RAD51B: variants seen among roughly 807,000 people sequenced by gnomAD.
RAD51B encodes RAD51 paralog B, also known as DNA repair protein RAD51 homolog 2.
Under a neutral mutation model 42.2 loss-of-function variants are expected in RAD51B, and 38 were observed. The ratio of observed to expected loss-of-function variants is 0.90; its 90% CI spans 0.70 to 1.18. The LOEUF (loss-of-function observed/expected upper bound fraction) is 1.18, where lower values mean the gene tolerates loss of function less well. Ranked by LOEUF, RAD51B falls within the 50% of genes most tolerant of loss-of-function variation. RAD51B has a pLI of 0.00. For missense variants in RAD51B, 373 were observed against 400.7 expected (o/e 0.93, Z 0.59); for synonymous variants, 154 against 145.2 (o/e 1.06, Z -0.43).
intron 7 of RAD51B, among the ~76,000 whole-genome samples, chr14:68,164,427 T>A (rs546079540): frequency 6.6e-6 from 1 of 152,272 alleles, no homozygotes; most frequent in East Asian, 1.9e-4. Flanking sequence ...CTATACTTAT[T>A]TTATACTACA....
Position 68,015,052 on chromosome 14 carries a change from C to A in RAD51B, c.756+127848C>A, listed in dbSNP as rs138649819. Among the ~76,000 whole-genome samples, 20 of 152,198 alleles carry A rather than the reference C, an allele frequency of 1.3e-4. No homozygotes were observed. In the East Asian group the frequency reaches 3.9e-3, roughly 29 times the overall value. On this transcript the variant is annotated intron_variant, in intron 7 of 10. Transcript: ENST00000471583. ...AAACCCAGCCCTCCTGCCATCTGTG[C>A]AATCTTGGTCCAGTTACTTAAAACA...
At chr14:68,381,526 A>G (rs1014282562) in intron 8 of RAD51B, among the ~76,000 whole-genome samples, 20 of 152,172 alleles carry the variant, frequency 1.3e-4, no homozygotes, top group African/African-American at 4.6e-4. Context: ...ATACAAAAAA[A>G]TTAACCAGGC....
At chr14:67,963,375 G>A (rs1232494668) in intron 7 of RAD51B, among the ~76,000 whole-genome samples, 7 of 151,994 alleles carry the variant, frequency 4.6e-5, no homozygotes, top group Non-Finnish European at 1.0e-4. Flanking sequence ...TTTCTCAATG[G>A]TGAGATTTTG....
At chr14:68,389,384 G>A (rs1348921397) in intron 8 of RAD51B, among the ~76,000 whole-genome samples, 2 of 151,682 alleles carry the variant, frequency 1.3e-5, no homozygotes, top group Admixed American at 1.3e-4. Flanking sequence ...GAGTCATATA[G>A]CAGGTTCTCT....
intron 10 of RAD51B, among the ~76,000 whole-genome samples, chr14:68,504,806 T>C (rs1885191766): frequency 1.3e-5 from 2 of 151,888 alleles, no homozygotes; most frequent in South Asian, 2.1e-4. Context: ...ATTTCTTCAC[T>C]AGACACTGGA....
At chr14:68,315,941 C>G (rs943029561) in intron 8 of RAD51B, among the ~76,000 whole-genome samples, 1 of 152,202 alleles carries the variant, frequency 6.6e-6, no homozygotes, top group African/African-American at 2.4e-5. Flanking sequence ...TGAATGAGAA[C>G]AACAGCATTG....
intron 7 of RAD51B, among the ~76,000 whole-genome samples, chr14:67,940,092 G>T (rs1294846581): frequency 1.3e-4 from 4 of 29,730 alleles, no homozygotes; most frequent in African/African-American, 2.2e-4. Context: ...TTTTTTTTTT[G>T]AGATGGAATC....
downstream of RAD51B, among the ~76,000 whole-genome samples, chr14:68,615,131 A>G (rs1891799017): frequency 6.6e-6 from 1 of 152,200 alleles, no homozygotes; most frequent in Non-Finnish European, 1.5e-5. Flanking sequence ...TTGGCCTCCC[A>G]AAGTGCTGGG....
At chr14:68,532,869 C>A (rs1887399402) in intron 10 of RAD51B, among the ~76,000 whole-genome samples, 1 of 152,228 alleles carries the variant, frequency 6.6e-6, no homozygotes, top group Non-Finnish European at 1.5e-5. Context: ...AAATTATTTT[C>A]TAGAATTCAA....
In RAD51B at chr14:68,176,070, C is replaced by A. The variant is rs1181781893; in HGVS notation, c.757-115814C>A. 4.6e-5 allele frequency among the ~76,000 whole-genome samples: 7 copies of A among 152,308 alleles called. No homozygotes were observed. The East Asian group carries it at 7.7e-4, about 17-fold the overall frequency. On this transcript the variant is annotated intron_variant, in intron 7 of 10. Transcript: ENST00000471583. ...TGCTATAATAGGCAGGATCCTCCTG[C>A]TGAGCCTGGACTCCATTTGGATGCT...
chr14:68,290,688 A>G (rs942616566), intron 7 of RAD51B, among the ~76,000 whole-genome samples: 6 of 152,184 alleles, frequency 3.9e-5, no homozygotes, highest in African/African-American at 1.4e-4. Context: ...ATTTCTTTAG[A>G]GTCAAACTCA....
chr14:68,672,987 C>A (rs186344110), intron 11 of RAD51B, among the ~76,000 whole-genome samples: 1 of 152,284 alleles, frequency 6.6e-6, no homozygotes, highest in East Asian at 1.9e-4. Flanking sequence ...GGGTTTTTTG[C>A]TGTTTGTAAA....
chr14:68,311,072 T>TGTG (rs2081959080), intron 8 of RAD51B, among the ~76,000 whole-genome samples: 2 of 151,982 alleles, frequency 1.3e-5, no homozygotes, highest in East Asian at 3.9e-4. Flanking sequence ...CAGTCCAACA[T>TGTG]GTAATCTAGT....
At chr14:67,834,494 C>T (rs2041163599) in intron 3 of RAD51B, among the ~76,000 whole-genome samples, 2 of 152,050 alleles carry the variant, frequency 1.3e-5, no homozygotes, top group African/African-American at 4.8e-5. Flanking sequence ...CTCCTTTTTG[C>T]ATCTTCAACA....
rs762952268 is a variant in RAD51B, at chr14:68,104,742, C to T, written c.757-187142C>T. Among the ~76,000 whole-genome samples the T allele has an allele frequency of 3.3e-5, 5 of 152,076 alleles. No homozygotes were observed. The East Asian group carries it at 5.8e-4, about 18-fold the overall frequency. Reference sequence around the variant, plus strand: ...TTGTAAGTGGATTACAAGAAATCCACGATAGACTTCATTCACTTTTGATGA... The same window carrying T: ...TTGTAAGTGGATTACAAGAAATCCATGATAGACTTCATTCACTTTTGATGA... On this transcript the variant is annotated intron_variant, in intron 7 of 10. Transcript: ENST00000471583.
At chr14:68,487,731 A>C (rs1883742639) in intron 10 of RAD51B, among the ~76,000 whole-genome samples, 2 of 151,150 alleles carry the variant, frequency 1.3e-5, no homozygotes, top group South Asian at 4.2e-4. Context: ...CTGGTCTTGA[A>C]CTCCTGACCA....
rs530120305 is a variant in RAD51B at position 68,495,060 on chromosome 14, G to A, written c.1036+26810G>A. On this transcript the variant is annotated intron_variant, in intron 10 of 10. Transcript: ENST00000487270. ...CTCTGCAAGGTGAACGGCCAGAGTC[G>A]GGATCTTCTATTCAGGCAGAGATTA... Among the ~76,000 whole-genome samples, 75 of 152,228 alleles carry A rather than the reference G, an allele frequency of 4.9e-4. 1 individual carries two copies. Among genetic ancestry groups the A allele is most frequent in the Admixed American group, 7.8e-4 (12 of 15,288 alleles).
intron 8 of RAD51B, 35 bp from the exon 9 acceptor site, chr14:68,411,389 G>A (rs374418355): frequency 4.0e-5 from 62 of 1,563,062 alleles, no homozygotes; most frequent in Non-Finnish European, 4.9e-5. Flanking sequence ...TCAAGAAAGG[G>A]CATCTGAAAG....
intron 10 of RAD51B, among the ~76,000 whole-genome samples, chr14:68,574,892 G>C (rs1040352864): frequency 2.6e-5 from 4 of 152,154 alleles, no homozygotes; most frequent in East Asian, 1.9e-4. Flanking sequence ...TATGAAGTGT[G>C]GGGGGGATTG....
Sources: gnomAD v4.1 joint callset for allele counts (sites outside exome capture counted in the v4.1 genomes callset) on GRCh38, gnomAD v4.1.1 for gene constraint, MANE v1.5 for transcripts, NCBI Gene and HGNC (gene_info 2026-07-23, HGNC 2026-07-21) for gene names.